Variants in EEIG2 observed in about 807,000 individuals in gnomAD.
EEIG2 encodes EEIG family member 2, also known as family with sequence similarity 102 member B.
chr1:108,606,129 G>GCA, the EEIG2 span: 1 of 727,882 alleles, frequency 1.4e-6, no homozygotes, highest in South Asian at 2.9e-5. Flanking sequence ...ATATTTGCCA[G>GCA]CATATATATG....
the EEIG2 span, among the ~76,000 whole-genome samples, chr1:108,565,637 G>A: frequency 6.6e-6 from 1 of 151,932 alleles, no homozygotes; most frequent in South Asian, 2.1e-4. Flanking sequence ...TGTGCTGATA[G>A]CCAAATAGTT....
chr1:108,588,555 AAG>A, the EEIG2 span, among the ~76,000 whole-genome samples: 1 of 152,178 alleles, frequency 6.6e-6, no homozygotes, highest in South Asian at 2.1e-4. Flanking sequence ...ATGGTATAAA[AAG>A]AGATGTCATA....
At chr1:108,604,516 A>T in the EEIG2 span, among the ~76,000 whole-genome samples, 23 of 152,298 alleles carry the variant, frequency 1.5e-4, no homozygotes, top group African/African-American at 5.5e-4. Flanking sequence ...TTCTACAGAG[A>T]TTGAATGAAG....
the EEIG2 span, among the ~76,000 whole-genome samples, chr1:108,615,857 A>G: frequency 6.6e-6 from 1 of 152,022 alleles, no homozygotes; most frequent in African/African-American, 2.4e-5. Context: ...TTTTACTCTT[A>G]GAAGCCACCA....
At chr1:108,591,512 A>T in the EEIG2 span, among the ~76,000 whole-genome samples, 1 of 152,346 alleles carries the variant, frequency 6.6e-6, no homozygotes, top group East Asian at 1.9e-4. Context: ...TACATTTAAA[A>T]AATTCATTTA....
At chr1:108,592,199 G>T in the EEIG2 span, among the ~76,000 whole-genome samples, 1 of 152,200 alleles carries the variant, frequency 6.6e-6, no homozygotes, top group Non-Finnish European at 1.5e-5. Flanking sequence ...CACAGGAAAG[G>T]GCTTGATTTA....
At chr1:108,636,224 A>C in the EEIG2 span, 3 of 152,218 alleles carry the variant, frequency 2.0e-5, no homozygotes, top group African/African-American at 7.2e-5. Context: ...ATAGCTTTTA[A>C]AATAAGAATA....
At chr1:108,579,766 T>TGAGAGAGAGAGAGA in the EEIG2 span, among the ~76,000 whole-genome samples, 74 of 14,812 alleles carry the variant, frequency 5.0e-3, no homozygotes, top group Non-Finnish European at 0.011. Flanking sequence ...TGTGTGTGTG[T>TGAGAGAGAGAGAGA]GTGTGTGAGA....
At chr1:108,575,301 C>T in the EEIG2 span, among the ~76,000 whole-genome samples, 1 of 152,154 alleles carries the variant, frequency 6.6e-6, no homozygotes, top group African/African-American at 2.4e-5. Context: ...TCCTTTAAAG[C>T]TTATAGATGC....
the EEIG2 span, among the ~76,000 whole-genome samples, chr1:108,617,297 A>G: frequency 6.6e-6 from 1 of 152,332 alleles, no homozygotes; most frequent in East Asian, 1.9e-4. Context: ...GCTGCTAGAT[A>G]GGGAATAGAC....
At chr1:108,587,675 A>G in the EEIG2 span, among the ~76,000 whole-genome samples, 5 of 152,190 alleles carry the variant, frequency 3.3e-5, no homozygotes, top group East Asian at 1.9e-4. Context: ...AATTTCCTAT[A>G]TCCTTGCAGG....
chr1:108,572,577 C>T, the EEIG2 span, among the ~76,000 whole-genome samples: 1 of 151,874 alleles, frequency 6.6e-6, no homozygotes, highest in Non-Finnish European at 1.5e-5. Flanking sequence ...CCTTTTCATT[C>T]GTCTTTCTCC....
the EEIG2 span, among the ~76,000 whole-genome samples, chr1:108,586,314 G>GGTGT: frequency 6.5e-4 from 96 of 148,104 alleles, no homozygotes; most frequent in African/African-American, 1.9e-3. Context: ...TACGCAGAGG[G>GGTGT]GTGTGTGTGT....
At chr1:108,562,846 A>G in the EEIG2 span, among the ~76,000 whole-genome samples, 1 of 152,062 alleles carries the variant, frequency 6.6e-6, no homozygotes, top group Non-Finnish European at 1.5e-5. Context: ...CTCATTTTAC[A>G]AGAAAAAAAA....
the EEIG2 span, chr1:108,560,333 G>A: frequency 8.0e-6 from 8 of 1,002,818 alleles, no homozygotes; most frequent in Non-Finnish European, 9.6e-6. Flanking sequence ...CACAGCTCGC[G>A]GCCCCGGCCA....
chr1:108,587,521 C>A, the EEIG2 span, among the ~76,000 whole-genome samples: 1 of 152,160 alleles, frequency 6.6e-6, no homozygotes, highest in African/African-American at 2.4e-5. Flanking sequence ...ATCATAGCAT[C>A]ATACAGAGAA....
the EEIG2 span, among the ~76,000 whole-genome samples, chr1:108,575,011 A>G: frequency 6.6e-6 from 1 of 152,250 alleles, no homozygotes; most frequent in Non-Finnish European, 1.5e-5. Flanking sequence ...GCGATTTAGT[A>G]GAATATACAC....
chr1:108,601,209 A>G, the EEIG2 span, among the ~76,000 whole-genome samples: 3 of 151,922 alleles, frequency 2.0e-5, no homozygotes, highest in African/African-American at 7.3e-5. Context: ...GTTGAAGCAA[A>G]TTACCAATAA....
At chr1:108,594,942 T>G in the EEIG2 span, among the ~76,000 whole-genome samples, 2 of 152,298 alleles carry the variant, frequency 1.3e-5, no homozygotes, top group South Asian at 4.1e-4. Context: ...CTAACTAAAC[T>G]AGATTAATAT....
Sources: gnomAD v4.1 joint callset for allele counts (sites outside exome capture counted in the v4.1 genomes callset) on GRCh38, gnomAD v4.1.1 for gene constraint, MANE v1.5 for transcripts, NCBI Gene and HGNC (gene_info 2026-07-23, HGNC 2026-07-21) for gene names.